SLC8A3: variants seen among roughly 807,000 people sequenced by gnomAD.
SLC8A3 encodes sodium/calcium exchanger 3.
In SLC8A3, 37 loss-of-function variants were observed where a neutral mutation model predicts 65.4. The observed-to-expected ratio is 0.57, with a 90% confidence interval of 0.44 to 0.74. The LOEUF (loss-of-function observed/expected upper bound fraction) is 0.74. SLC8A3 is among the 30% of genes least tolerant of loss of function. The pLI is 0.00. For missense variants in SLC8A3, 1,112 were observed against 1,172.1 expected (o/e 0.95, Z 0.75); for synonymous variants, 461 against 444.5 (o/e 1.04, Z -0.47).
chr14:70,071,352 A>T (rs567560765), intron 2 of SLC8A3, among the ~76,000 whole-genome samples: 16 of 152,360 alleles, frequency 1.1e-4, no homozygotes, highest in Non-Finnish European at 2.1e-4. Context: ...GCCTGATTGA[A>T]TCGCATGAAC....
chr14:70,067,079 G>A lies in SLC8A3; in HGVS notation c.1785-6140C>T, dbSNP rs527466467. Among the ~76,000 whole-genome samples, 40 of 152,186 alleles carry A rather than the reference G, an allele frequency of 2.6e-4. 1 individual carries two copies. The South Asian group carries it at 7.7e-3, about 29-fold the overall frequency. On this transcript the variant is annotated intron_variant, in intron 2 of 6. Transcript: ENST00000356921. ...TGACCCCTCAGACCTCGTTCATAACGTCCTCCCCTTGCTTATGTGTCCTAG... is the reference window on the plus strand; with the variant it reads ...TGACCCCTCAGACCTCGTTCATAACATCCTCCCCTTGCTTATGTGTCCTAG...
At chr14:70,126,570 T>TCACACA (rs55776930) in intron 2 of SLC8A3, among the ~76,000 whole-genome samples, 5 of 116,992 alleles carry the variant, frequency 4.3e-5, no homozygotes, top group South Asian at 3.0e-4. Context: ...TCTCTCTCTC[T>TCACACA]CACACACACA....
Position 70,188,483 on chromosome 14 carries a change from C to T in SLC8A3, c.-167G>A, listed in dbSNP as rs918089765. 6 of 151,972 alleles carry T rather than the reference C, an allele frequency of 3.9e-5. No individual in the cohort carries two copies. Among genetic ancestry groups the T allele is most frequent in the African/African-American group, 1.4e-4 (6 of 41,408 alleles). 9.4% of individuals were successfully genotyped at this position (151,972 alleles called of 1,614,324 possible). A position where few individuals can be genotyped will look rare whatever the true frequency, so the allele number is the denominator to read the frequency against. ...CTCACCGGTCGCAGCGGCTCATCGC[C>T]CCCGCGGGCTGCCCGCCGGCCGCAG... On this transcript the variant is annotated 5_prime_UTR_variant, in exon 1 of 7. Transcript: ENST00000356921.
At chr14:70,073,114 C>G (rs751939263) in intron 2 of SLC8A3, among the ~76,000 whole-genome samples, 5 of 152,008 alleles carry the variant, frequency 3.3e-5, no homozygotes, top group Non-Finnish European at 7.4e-5. Flanking sequence ...AAAGATTTCC[C>G]TCCTTCTTTG....
chr14:70,072,597 CCA>C (rs1890109736), intron 2 of SLC8A3, among the ~76,000 whole-genome samples: 1 of 13,848 alleles, frequency 7.2e-5, no homozygotes, highest in Non-Finnish European at 1.7e-4. Flanking sequence ...ATCTATCCGT[CCA>C]TCCATCCATC....
At chr14:70,149,646 G>T (rs1373699003) in intron 2 of SLC8A3, among the ~76,000 whole-genome samples, 2 of 152,162 alleles carry the variant, frequency 1.3e-5, no homozygotes, top group Admixed American at 6.5e-5. Flanking sequence ...GCCCTCTGCA[G>T]CCTGTACTGT....
At chr14:70,081,251 G>T (rs939618975) in intron 2 of SLC8A3, among the ~76,000 whole-genome samples, 1 of 152,106 alleles carries the variant, frequency 6.6e-6, no homozygotes, top group African/African-American at 2.4e-5. Context: ...GAAACATCTG[G>T]TATAATTGTA....
At chr14:70,126,547 TTCTCTCTCTCTC>T (rs36183214) in intron 2 of SLC8A3, among the ~76,000 whole-genome samples, 72 of 118,108 alleles carry the variant, frequency 6.1e-4, no homozygotes, top group Non-Finnish European at 1.1e-3. Flanking sequence ...AGAAAGAAAA[TTCTCTCTCTCTC>T]TCTCTCTCTC....
intron 2 of SLC8A3, among the ~76,000 whole-genome samples, chr14:70,080,471 C>T (rs1246850072): frequency 6.6e-6 from 1 of 152,174 alleles, no homozygotes; most frequent in African/African-American, 2.4e-5. Context: ...AGAGGACTGA[C>T]TGTTGAAAAC....
At chr14:70,178,015 T>A (rs1465028704) in intron 1 of SLC8A3, among the ~76,000 whole-genome samples, 2 of 151,978 alleles carry the variant, frequency 1.3e-5, no homozygotes, top group African/African-American at 2.4e-5. Flanking sequence ...GAAAGGAGAA[T>A]CCATGTAAGT....
chr14:70,164,089 G>A (rs866923400), intron 2 of SLC8A3, among the ~76,000 whole-genome samples: 19 of 152,216 alleles, frequency 1.2e-4, no homozygotes, highest in Middle Eastern at 3.4e-3. Context: ...TGTTTCCTGA[G>A]CATATACCGT....
At chr14:70,186,039 A>G (rs1883181428) in intron 1 of SLC8A3, among the ~76,000 whole-genome samples, 1 of 152,170 alleles carries the variant, frequency 6.6e-6, no homozygotes, top group African/African-American at 2.4e-5. Flanking sequence ...CTCATCTTGA[A>G]TTGTAGTTCC....
At chr14:70,066,760 G>A (rs192278571) in intron 2 of SLC8A3, among the ~76,000 whole-genome samples, 2 of 152,144 alleles carry the variant, frequency 1.3e-5, no homozygotes, top group Non-Finnish European at 2.9e-5. Flanking sequence ...GCAGTGAGCC[G>A]AGATTGTGCC....
chr14:70,136,170 A>T (rs1387791865), intron 2 of SLC8A3, among the ~76,000 whole-genome samples: 1 of 152,232 alleles, frequency 6.6e-6, no homozygotes, highest in African/African-American at 2.4e-5. Context: ...ACGCCCTGTG[A>T]CAACCAAGGC....
intron 2 of SLC8A3, among the ~76,000 whole-genome samples, chr14:70,086,512 C>T (rs549985625): frequency 5.7e-4 from 86 of 151,338 alleles, no homozygotes; most frequent in Non-Finnish European, 1.1e-3. Context: ...AGTGATTCTC[C>T]GGCCTCAGCC....
rs1338364019 is a variant in SLC8A3 at position 70,167,290 on chromosome 14, T to C, written c.1133A>G (p.Lys378Arg). Reference protein sequence around the residue: ...ILKKHAAEQAKKASSMSEVHT... With the variant: ...ILKKHAAEQARKASSMSEVHT... ...CACCTCGCTCATGCTGGAGGCCTTC[T>C]TGGCTTGTTCTGCTGCATGTTTCTT... Residue 378 changes from lysine (K) to arginine (R), a missense_variant, in exon 2 of 7, where the codon AAG (lysine) becomes AGG (arginine). Lys to Arg is a conservative substitution (Grantham distance 26). Coordinates refer to ENST00000356921, the MANE Select transcript of SLC8A3 (RefSeq NM_182932.3). The C allele has an allele frequency of 2.5e-6, 4 of 1,614,198 alleles. No homozygotes were observed. Among genetic ancestry groups the C allele is most frequent in the South Asian group, 1.1e-5 (1 of 91,086 alleles).
intron 2 of SLC8A3, among the ~76,000 whole-genome samples, chr14:70,138,588 T>C (rs963758712): frequency 1.3e-5 from 2 of 152,184 alleles, no homozygotes; most frequent in Admixed American, 1.3e-4. Flanking sequence ...CTGGAAGGTG[T>C]GGACTCAGAG....
At chr14:70,172,136 C>T (rs1308410091) in intron 1 of SLC8A3, among the ~76,000 whole-genome samples, 1 of 151,780 alleles carries the variant, frequency 6.6e-6, no homozygotes, top group Non-Finnish European at 1.5e-5. Flanking sequence ...AGATATGACT[C>T]AACTTGAGAT....
chr14:70,056,793 T>C (rs1015604095), intron 3 of SLC8A3, among the ~76,000 whole-genome samples: 3 of 152,202 alleles, frequency 2.0e-5, no homozygotes, highest in South Asian at 4.1e-4. Context: ...CCTATGTGGA[T>C]TGGGAAACTG....
Sources: allele counts gnomAD v4.1 joint callset (sites outside exome capture counted in the v4.1 genomes callset), GRCh38; gene constraint gnomAD v4.1.1; transcripts MANE v1.5; gene names NCBI Gene and HGNC (gene_info 2026-07-23, HGNC 2026-07-21).